C3: variants seen among roughly 807,000 people sequenced by gnomAD.
C3 encodes C3 and PZP-like alpha-2-macroglobulin domain-containing protein 1.
In C3, 97 loss-of-function variants were observed where a neutral mutation model predicts 207.9. The observed-to-expected ratio is 0.47, with a 90% confidence interval of 0.40 to 0.55. The LOEUF (loss-of-function observed/expected upper bound fraction) is 0.55. Among genes scored for constraint, C3 ranks in the 20% least tolerant of loss-of-function variants. The pLI, the probability that C3 is intolerant of heterozygous loss-of-function variation, is 0.00. For missense variants in C3, 1,684 were observed against 2,171.7 expected, an observed-to-expected ratio of 0.78 and a Z score of 4.46; for synonymous variants, 848 against 857.6, an observed-to-expected ratio of 0.99 and a Z score of 0.20.
intron 17 of C3, among the ~76,000 whole-genome samples, chr19:6,705,429 A>C (rs1568221612): frequency 7.0e-6 from 1 of 143,514 alleles, no homozygotes; most frequent in Non-Finnish European, 1.5e-5. Context: ...TGACGCCTCC[A>C]TCTCCTGGGT....
chr19:6,696,853 A>C (rs555188420), intron 21 of C3, among the ~76,000 whole-genome samples, 194 bp from the exon 22 acceptor site: 13 of 151,530 alleles, frequency 8.6e-5, no homozygotes, highest in Non-Finnish European at 1.6e-4. Context: ...CATCCTGGCT[A>C]ACACAGTGAA....
At chr19:6,686,984 A>AT in intron 27 of C3, 82 bp from the exon 28 acceptor site, 3 of 1,407,210 alleles carry the variant, frequency 2.1e-6, no homozygotes, top group Non-Finnish European at 3.0e-6. Context: ...GCACTTCCTG[A>AT]GCATCAGGGA....
intron 7 of C3, 53 bp downstream of exon 7, chr19:6,713,939 C>T: frequency 8.4e-7 from 1 of 1,190,664 alleles, no homozygotes; most frequent in Non-Finnish European, 1.2e-6. Context: ...CCCACCTGGT[C>T]TTCACCTGGT....
chr19:6,682,730 T>G (rs1398905623), intron 33 of C3: 1 of 192,216 alleles, frequency 5.2e-6, no homozygotes, highest in Admixed American at 5.3e-5. Flanking sequence ...TGTCACTCCT[T>G]TCAAAGTCCA....
chr19:6,678,960 G>A (rs1917789370), intron 38 of C3, among the ~76,000 whole-genome samples, 165 bp downstream of exon 38: 1 of 152,038 alleles, frequency 6.6e-6, no homozygotes, highest in Non-Finnish European at 1.5e-5. Context: ...TCACAGTCAT[G>A]GTTCCCCACA....
intron 2 of C3, 52 bp from the exon 3 acceptor site, chr19:6,718,464 CG>C (rs1368267147): frequency 1.2e-6 from 2 of 1,601,810 alleles, no homozygotes; most frequent in East Asian, 4.5e-5. Flanking sequence ...CCCATGCCCA[CG>C]GTCCAGCTTC....
Position 6,697,738 on chromosome 19 carries a change from G to T in C3, c.2497C>A (p.Leu833Met). ...CGAACAACAGAGTAGGGTAGCCGCA[G>T]GTCGATGAAGAAGTCCTGCATTACT... The part of the protein sequence containing the change: ...VTVMQDFFID[L>M]RLPYSVVRNE... Residue 833 changes from leucine (L) to methionine (M), a missense_variant, in exon 20 of 41, where the codon CTG becomes ATG. By Grantham distance (15) the Leu-to-Met change is conservative (BLOSUM62 2). Coordinates refer to ENST00000245907, the MANE Select transcript of C3 (RefSeq NM_000064.4). 1 of 1,614,046 alleles carries T rather than the reference G, an allele frequency of 6.2e-7. No individual in the cohort carries two copies. The highest frequency in any genetic ancestry group is 1.1e-5 in the South Asian group (1 of 91,074).
At chr19:6,717,827 G>A in intron 4 of C3, 2 of 587,880 alleles carry the variant, frequency 3.4e-6, no homozygotes, top group Non-Finnish European at 6.2e-6. Flanking sequence ...TATGTTGTGT[G>A]TTTGTGTGTG....
chr19:6,710,095 G>A (rs1967874815), intron 13 of C3, among the ~76,000 whole-genome samples: 1 of 146,968 alleles, frequency 6.8e-6, no homozygotes, highest in African/African-American at 2.5e-5. Flanking sequence ...GAGAGACGGA[G>A]AGACAGAGAG....
At chr19:6,693,146 G>T in intron 25 of C3, 63 bp from the exon 26 acceptor site, 2 of 1,577,086 alleles carry the variant, frequency 1.3e-6, no homozygotes, top group Non-Finnish European at 1.7e-6. Flanking sequence ...ATGTCAACCA[G>T]CCAATGAGCG....
rs559114476 is a variant in C3, at chr19:6,698,881, A to G, written c.2441-1087T>C. 1.5e-4 allele frequency among the ~76,000 whole-genome samples: 23 copies of G among 151,830 alleles called. No individual in the cohort carries two copies. The South Asian group carries it at 4.8e-3, about 32-fold the overall frequency. On this transcript the variant is annotated intron_variant, in intron 19 of 40. Coordinates refer to ENST00000245907, the MANE Select transcript of C3 (RefSeq NM_000064.4). ...GTGATCTTGGCTCACTACAACCTCT[A>G]TATCCTGGGTTCAAGCAATTCTCCT... is the stretch of plus-strand genomic sequence containing the variant.
At chr19:6,696,733 G>A in intron 21 of C3, 74 bp from the exon 22 acceptor site, 2 of 1,415,050 alleles carry the variant, frequency 1.4e-6, no homozygotes, top group Non-Finnish European at 2.0e-6. Flanking sequence ...GGTCAGCAGG[G>A]CACTGTCCTT....
chr19:6,679,021 C>T (rs1417498973), intron 38 of C3, 104 bp downstream of exon 38: 4 of 864,108 alleles, frequency 4.6e-6, no homozygotes, highest in Non-Finnish European at 7.9e-6. Context: ...CAGTCACCCA[C>T]ACCCACAGCC....
At position 6,686,756 on chromosome 19, in the gene C3, G is replaced by T; in HGVS notation, c.3636C>A (p.Thr1212=). The T allele has an allele frequency of 6.2e-7, 1 of 1,613,920 alleles. No individual in the cohort carries two copies. ...LKGPLLNKFL[T]TAKDKNRWED... ...CAGGCCAACCCTCACCTTTGGCTGTGGTCAGAAATTTGTTAAGAAGAGGCC... is the reference window on the plus strand; with the variant it reads ...CAGGCCAACCCTCACCTTTGGCTGTTGTCAGAAATTTGTTAAGAAGAGGCC... Residue 1212 remains threonine, a synonymous_variant, in exon 28 of 41, where the codon ACC becomes ACA. Transcript: ENST00000245907.
chr19:6,707,506 T>G lies in C3; in HGVS notation c.2007A>C (p.Arg669=). 1 of 1,613,800 alleles carries G rather than the reference T, an allele frequency of 6.2e-7. No homozygotes were observed. Residue 669 remains arginine, a synonymous_variant, in exon 16 of 41, where the codon CGA becomes CGC. Transcript: ENST00000245907. ...TCTCCGTGAGCTGCACGGAACGGCG[T>G]CGGCGGGCGGCTGGCTGCGGGCACT... The part of the protein sequence containing the change: ...ELQCPQPAAR[R]RRSVQLTEKR...
chr19:6,695,887 G>A (rs903234189), intron 23 of C3, among the ~76,000 whole-genome samples: 35 of 152,108 alleles, frequency 2.3e-4, no homozygotes, highest in African/African-American at 8.2e-4. Context: ...CTATAAAACC[G>A]ATCATAGCAA....
chr19:6,708,653 C>T (rs1214401338), intron 14 of C3, among the ~76,000 whole-genome samples: 1 of 147,676 alleles, frequency 6.8e-6, no homozygotes, highest in African/African-American at 2.5e-5. Flanking sequence ...CTCTGTTTCT[C>T]TCTCTCTTCT....
At chr19:6,704,434 T>C (rs1019805084) in intron 17 of C3, among the ~76,000 whole-genome samples, 1 of 152,130 alleles carries the variant, frequency 6.6e-6, no homozygotes, top group Non-Finnish European at 1.5e-5. Flanking sequence ...AACAACAAAG[T>C]AGCTGGAATC....
chr19:6,708,042 A>C, intron 14 of C3, 113 bp from the exon 15 acceptor site: 5 of 1,198,036 alleles, frequency 4.2e-6, no homozygotes, highest in Non-Finnish European at 4.8e-6. Flanking sequence ...TCCCACTCTC[A>C]TCTCCCCCAT....
Sources: gnomAD v4.1 joint callset for allele counts (sites outside exome capture counted in the v4.1 genomes callset) on GRCh38, gnomAD v4.1.1 for gene constraint, MANE v1.5 for transcripts, NCBI Gene and HGNC (gene_info 2026-07-23, HGNC 2026-07-21) for gene names.